The following SEPTIN1 variants were observed in gnomAD, a reference collection of about 807,000 sequenced individuals.
SEPTIN1 encodes the protein septin-1.
Under a neutral mutation model 50.7 loss-of-function variants are expected in SEPTIN1, and 52 were observed. That is an observed-to-expected ratio of 1.03 (90% CI 0.82 to 1.29). The LOEUF is 1.29. Among genes scored for constraint, SEPTIN1 ranks in the 50% most tolerant of loss-of-function variants. The pLI is 0.00. For missense variants in SEPTIN1, 455 were observed against 490.7 expected, an observed-to-expected ratio of 0.93 and a Z score of 0.69; for synonymous variants, 204 against 189.1, an observed-to-expected ratio of 1.08 and a Z score of -0.65.
At position 30,378,318 on chromosome 16, in the gene SEPTIN1, C is replaced by T; in HGVS notation, c.*116G>A. On this transcript the variant is annotated 3_prime_UTR_variant, in exon 11 of 11. Transcript: ENST00000321367. Reference sequence around the variant, plus strand: ...AGGCTGGGAGAACCTCCCCCTAGCCCGCGCGAGGGCGGCACCCGCGGAGGT... The same window carrying T: ...AGGCTGGGAGAACCTCCCCCTAGCCTGCGCGAGGGCGGCACCCGCGGAGGT... 3 of 1,035,470 alleles carry T rather than the reference C, an allele frequency of 2.9e-6. No individual in the cohort carries two copies. Among genetic ancestry groups the T allele is most frequent in the Non-Finnish European group, 4.1e-6 (3 of 730,224 alleles). 64.1% of individuals were successfully genotyped at this position (1,035,470 alleles called of 1,614,324 possible).
In SEPTIN1 at chr16:30,381,311, G is replaced by T. The variant is rs772974920; in HGVS notation, c.455+28C>A. 1.9e-6 allele frequency: 3 copies of T among 1,597,958 alleles called. No homozygotes were observed. Among genetic ancestry groups the T allele is most frequent in the African/African-American group, 2.7e-5 (2 of 72,822 alleles). On this transcript the variant is annotated intron_variant, in intron 5 of 10. Coordinates refer to ENST00000321367, the MANE Select transcript of SEPTIN1 (RefSeq NM_001365977.2). The surrounding 1 kb of genome is among the most constrained non-coding windows in gnomAD (Gnocchi z 4.3). ...AGACCCCCCAGCCCTCCCTAAATGC[G>T]CCAGCCCCCAGGATCCCCCCACCAG...
chr16:30,381,247 G>A lies in SEPTIN1; in HGVS notation c.456-3C>T, dbSNP rs952518892. On this transcript the variant is annotated splice_region_variant and splice_polypyrimidine_tract_variant and intron_variant, in intron 5 of 10. Transcript: ENST00000321367. The surrounding 1 kb of genome is among the most constrained non-coding windows in gnomAD (Gnocchi z 4.3). Reference sequence around the variant, plus strand: ...AGGCCACATCTAGGGGCCGGAGCCTGCACCCAGGGATTGGTCATTGCCCAG... The same window carrying A: ...AGGCCACATCTAGGGGCCGGAGCCTACACCCAGGGATTGGTCATTGCCCAG... 2 of 1,613,712 alleles carry A rather than the reference G, an allele frequency of 1.2e-6. No homozygotes were observed. Among genetic ancestry groups the A allele is most frequent in the Non-Finnish European group, 1.7e-6 (2 of 1,179,788 alleles).
chr16:30,381,579 A>G lies in SEPTIN1; in HGVS notation c.321-106T>C. 1 of 1,512,462 alleles carries G rather than the reference A, an allele frequency of 6.6e-7. No homozygotes were observed. Among genetic ancestry groups the G allele is most frequent in the African/African-American group, 1.4e-5 (1 of 72,876 alleles). 93.7% of individuals were successfully genotyped at this position (1,512,462 alleles called of 1,614,324 possible). A position where few individuals can be genotyped will look rare whatever the true frequency, so the allele number is the denominator to read the frequency against. On this transcript the variant is annotated intron_variant, in intron 4 of 10. Coordinates refer to ENST00000321367, the MANE Select transcript of SEPTIN1 (RefSeq NM_001365977.2). The surrounding 1 kb of genome is among the most constrained non-coding windows in gnomAD (Gnocchi z 4.3). ...GAATGTCATTTCTTTGGCTCCCTCC[A>G]AAGACATTAAGGGGAACTGGTGGGG...
chr16:30,378,567 G>T (rs767151310), intron 10 of SEPTIN1, 43 bp downstream of exon 10: 1 of 1,607,964 alleles, frequency 6.2e-7, no homozygotes, highest in South Asian at 1.1e-5. Context: ...AGCCAGAGGG[G>T]GACCTGGGGC....
At chr16:30,379,638 C>CTATTT in intron 7 of SEPTIN1, 104 bp from the exon 8 acceptor site, 13 of 295,646 alleles carry the variant, frequency 4.4e-5, no homozygotes, top group Admixed American at 8.2e-5. Flanking sequence ...CTGCCCCTTC[C>CTATTT]TCTTTTTTTT....
rs1555499277 is a variant in SEPTIN1, at chr16:30,378,847, A to AGAGAGGGGAAGAGAGG, written c.942-148_942-147insCCTCTCTTCCCCTCTC. On this transcript the variant is annotated intron_variant, in intron 9 of 10. Coordinates refer to ENST00000321367, the MANE Select transcript of SEPTIN1 (RefSeq NM_001365977.2). ...AGGGCCGGAGGCAAAGCGGGTGGGG[A>AGAGAGGGGAAGAGAGG]GAGAGGGGGAGAGAGGGAGAGACGG... 84 of 531,158 alleles carry AGAGAGGGGAAGAGAGG rather than the reference A, an allele frequency of 1.6e-4. No individual in the cohort carries two copies. In the East Asian group the frequency reaches 2.7e-3, roughly 17 times the overall value. The allele number at this position is 531,158 out of a possible 1,614,324, so 32.9% of individuals were successfully genotyped here. A position where few individuals can be genotyped will look rare whatever the true frequency, so the allele number is the denominator to read the frequency against.
In SEPTIN1 at chr16:30,379,387, G is replaced by T. The variant is rs374254859; in HGVS notation, c.775+48C>A. Reference sequence around the variant, plus strand: ...CATGTTGAGTGCGCCTGACCCAGAGGCCCCGGGCTCCCTGCTGGCCTTAGG... The same window carrying T: ...CATGTTGAGTGCGCCTGACCCAGAGTCCCCGGGCTCCCTGCTGGCCTTAGG... On this transcript the variant is annotated intron_variant, in intron 8 of 10. Transcript: ENST00000321367. The T allele has an allele frequency of 1.9e-6, 3 of 1,538,868 alleles. No individual in the cohort carries two copies. The African/African-American group carries it at 4.1e-5, about 21-fold the overall frequency.
Position 30,382,153 on chromosome 16 carries a change from G to A in SEPTIN1, c.136C>T (p.Leu46Phe). ...TTGGTGAGGAAGAGGCTGTTGATGA[G>A]GGTGGATTTCCCTAGGCCTGACTCC... The part of the protein sequence containing the change: ...AGESGLGKST[L>F]INSLFLTNLY... Residue 46 changes from leucine (L) to phenylalanine (F), a missense_variant, in exon 3 of 11, where the codon CTC becomes TTC. Transcript: ENST00000321367. The surrounding 1 kb of genome is among the most constrained non-coding windows in gnomAD (Gnocchi z 4.8). 1 of 1,601,742 alleles carries A rather than the reference G, an allele frequency of 6.2e-7. No homozygotes were observed. The highest frequency in any genetic ancestry group is 8.5e-7 in the Non-Finnish European group (1 of 1,174,150).
At chr16:30,378,965 C>A in intron 9 of SEPTIN1, 53 bp downstream of exon 9, 2 of 1,571,010 alleles carry the variant, frequency 1.3e-6, no homozygotes, top group South Asian at 2.3e-5. Context: ...AGGGCGGGGT[C>A]ATGGGTGAGG....
intron 7 of SEPTIN1, 104 bp from the exon 8 acceptor site, chr16:30,379,638 C>CTTTTTTTT: frequency 1.0e-5 from 3 of 295,622 alleles, no homozygotes; most frequent in Non-Finnish European, 1.1e-5. Flanking sequence ...CTGCCCCTTC[C>CTTTTTTTT]TCTTTTTTTT....
Position 30,381,781 on chromosome 16 carries a change from T to A in SEPTIN1, c.299A>T (p.Asp100Val). 1 of 1,613,902 alleles carries A rather than the reference T, an allele frequency of 6.2e-7. No homozygotes were observed. Among genetic ancestry groups the A allele is most frequent in the Non-Finnish European group, 8.5e-7 (1 of 1,179,964 alleles). Residue 100 changes from aspartate (D) to valine (V), a missense_variant, in exon 4 of 11, where the codon GAC becomes GTC. Coordinates refer to ENST00000321367, the MANE Select transcript of SEPTIN1 (RefSeq NM_001365977.2). This position sits in a 1 kb window ranked among gnomAD's most constrained non-coding sequence, Gnocchi z 4.3. ...LTLVDTPGFGDSVDCSDCWLP... is the reference protein window; with the variant it reads ...LTLVDTPGFGVSVDCSDCWLP... ...TCACCAGTCAGAGCAGTCCACTGAG[T>A]CCCCAAAGCCAGGTGTGTCCACAAG...
chr16:30,378,479 T>C lies in SEPTIN1; in HGVS notation c.1074A>G (p.Gln358=), dbSNP rs1222901230. 1.9e-6 allele frequency: 3 copies of C among 1,577,406 alleles called. No individual in the cohort carries two copies. Among genetic ancestry groups the C allele is most frequent in the African/African-American group, 2.7e-5 (2 of 73,192 alleles). ...CGCCCTGGGCCTGGCTCTGCTGCAT[T>C]TGGGCCTGCATCTTCTCCAGCATCT... is the stretch of plus-strand genomic sequence containing the variant. ...MQEMLEKMQA[Q]MQQSQAQGEQ... is the part of the protein sequence containing the mutation. Residue 358 remains glutamine, a synonymous_variant, in exon 11 of 11, where the codon CAA becomes CAG. Coordinates refer to ENST00000321367, the MANE Select transcript of SEPTIN1 (RefSeq NM_001365977.2).
chr16:30,378,240 A>C lies in SEPTIN1; in HGVS notation c.*194T>G. On this transcript the variant is annotated 3_prime_UTR_variant, in exon 11 of 11. Coordinates refer to ENST00000321367, the MANE Select transcript of SEPTIN1 (RefSeq NM_001365977.2). ...AGATTGTGCAGGCCCCGGGCCGGGA[A>C]GTGGGCGGTGTCTGGGTGGGCGGGA... The C allele has an allele frequency of 1.6e-6, 1 of 641,214 alleles. No individual in the cohort carries two copies. The highest frequency in any genetic ancestry group is 2.7e-6 in the Non-Finnish European group (1 of 364,344). The allele number at this position is 641,214 out of a possible 1,614,324, so 39.7% of individuals were successfully genotyped here.
rs765486921 is a variant in SEPTIN1 at position 30,381,491 on chromosome 16, ATG to A, written c.321-20_321-19del. The A allele has an allele frequency of 2.9e-5, 47 of 1,613,664 alleles. No individual in the cohort carries two copies. The African/African-American group carries it at 4.5e-4, about 16-fold the overall frequency. Reference sequence around the variant, plus strand: ...GAAGCCAGCTGGGTGTGGGGAGAGGATGTGAGGTCAGAGATCAAAGGCCAGAG... The same window carrying A: ...GAAGCCAGCTGGGTGTGGGGAGAGGATGAGGTCAGAGATCAAAGGCCAGAG... On this transcript the variant is annotated intron_variant, in intron 4 of 10. Transcript: ENST00000321367. The surrounding 1 kb of genome is among the most constrained non-coding windows in gnomAD (Gnocchi z 4.3).
In SEPTIN1 at chr16:30,379,602, A is replaced by G. The variant is rs940459642; in HGVS notation, c.676-68T>C. On this transcript the variant is annotated intron_variant, in intron 7 of 10. Transcript: ENST00000321367. ...AGAAACTTTCTCTTTCCCAGCTTCA[A>G]TCTCCACACCCGCCTCCTCTGCTTC... is the stretch of plus-strand genomic sequence containing the variant. 16 of 1,007,030 alleles carry G rather than the reference A, an allele frequency of 1.6e-5. No individual in the cohort carries two copies. The African/African-American group carries it at 2.5e-4, about 16-fold the overall frequency. 62.4% of individuals were successfully genotyped at this position (1,007,030 alleles called of 1,614,324 possible). A position where few individuals can be genotyped will look rare whatever the true frequency, so the allele number is the denominator to read the frequency against.
chr16:30,379,637 C>T, intron 7 of SEPTIN1, 103 bp from the exon 8 acceptor site: 1 of 353,948 alleles, frequency 2.8e-6, no homozygotes, highest in East Asian at 5.6e-5. Flanking sequence ...CCTGCCCCTT[C>T]CTCTTTTTTT....
Position 30,382,351 on chromosome 16 carries a change from C to G in SEPTIN1, c.33G>C (p.Val11=). 3 of 1,612,700 alleles carry G rather than the reference C, an allele frequency of 1.9e-6. No homozygotes were observed. The highest frequency in any genetic ancestry group is 1.7e-6 in the Non-Finnish European group (2 of 1,179,204). The change falls in exon 2 of 11, where the codon GTG becomes GTC. Residue 11 remains valine (V), a synonymous_variant. Transcript: ENST00000321367. The surrounding 1 kb of genome is among the most constrained non-coding windows in gnomAD (Gnocchi z 4.8). ...GCTGGTTGGGGAGGGCAGCAAAACCCACGTACTCCTTGTCCTATGGATGGG... is the reference window on the plus strand; with the variant it reads ...GCTGGTTGGGGAGGGCAGCAAAACCGACGTACTCCTTGTCCTATGGATGGG... MAGGVMDKEY[V]GFAALPNQLH... is the part of the protein sequence containing the mutation.
At chr16:30,380,693 C>T in intron 6 of SEPTIN1, 1 of 176,114 alleles carries the variant, frequency 5.7e-6, no homozygotes, top group South Asian at 1.1e-4. Context: ...TCACTTGCGC[C>T]TACAAGTTCG....
Position 30,378,396 on chromosome 16 carries a change from G to A in SEPTIN1, c.*38C>T. 4 of 1,522,742 alleles carry A rather than the reference G, an allele frequency of 2.6e-6. No homozygotes were observed. Among genetic ancestry groups the A allele is most frequent in the Non-Finnish European group, 3.5e-6 (4 of 1,143,390 alleles). 94.3% of individuals were successfully genotyped at this position (1,522,742 alleles called of 1,614,324 possible). A position where few individuals can be genotyped will look rare whatever the true frequency, so the allele number is the denominator to read the frequency against. ...GCGGGGATTGGACAAGAGGCCGACT[G>A]AAGGCGGAGCCGAGGTAAGGCCGGG... On this transcript the variant is annotated 3_prime_UTR_variant, in exon 11 of 11. Transcript: ENST00000321367.
Sources: allele counts gnomAD v4.1 joint callset, GRCh38; gene constraint gnomAD v4.1.1; non-coding constraint Gnocchi (gnomAD v3.1); transcripts MANE v1.5; gene names NCBI Gene and HGNC (gene_info 2026-07-23, HGNC 2026-07-21).